NOL4: variants seen among roughly 807,000 people sequenced by gnomAD.
NOL4 encodes nucleolar protein 4.
A neutral mutation model predicts 75.9 loss-of-function variants in NOL4; 17 were observed. The ratio of observed to expected loss-of-function variants is 0.22; its 90% CI spans 0.15 to 0.34. NOL4 has a LOEUF of 0.34. NOL4 is among the 10% of genes least tolerant of loss of function. The pLI is 1.00. For missense variants in NOL4, 614 were observed against 793.5 expected (o/e 0.77, Z 2.72); for synonymous variants, 292 against 289.9 (o/e 1.01, Z -0.07).
At chr18:34,176,335 A>G (rs2033545145) in intron 1 of NOL4, among the ~76,000 whole-genome samples, 1 of 152,118 alleles carries the variant, frequency 6.6e-6, no homozygotes, top group South Asian at 2.1e-4. Context: ...GAGGCCTGCA[A>G]GATATCATCA....
At chr18:34,142,415 A>C (rs2081209625) in intron 1 of NOL4, among the ~76,000 whole-genome samples, 1 of 152,214 alleles carries the variant, frequency 6.6e-6, no homozygotes, top group African/African-American at 2.4e-5. Context: ...ACAATAGCAA[A>C]GAATTGGAAC....
chr18:34,154,135 A>G (rs775430416), intron 1 of NOL4, among the ~76,000 whole-genome samples: 25 of 152,202 alleles, frequency 1.6e-4, no homozygotes, highest in Non-Finnish European at 3.2e-4. Flanking sequence ...AACGTAAGAC[A>G]CATGCAAAGA....
intron 5 of NOL4, among the ~76,000 whole-genome samples, chr18:34,062,308 A>G (rs1383582311): frequency 1.3e-5 from 2 of 152,122 alleles, no homozygotes; most frequent in African/African-American, 4.8e-5. Context: ...GGGGCTGTAA[A>G]AATTTGGTAG....
intron 9 of NOL4, among the ~76,000 whole-genome samples, chr18:33,896,269 A>T (rs1047288731): frequency 6.6e-6 from 1 of 152,120 alleles, no homozygotes; most frequent in Non-Finnish European, 1.5e-5. Flanking sequence ...TCTAATTACC[A>T]ATGACATTCT....
At chr18:34,094,085 TCTCC>T (rs1234896328) in intron 4 of NOL4, among the ~76,000 whole-genome samples, 3 of 151,924 alleles carry the variant, frequency 2.0e-5, no homozygotes, top group Admixed American at 1.3e-4. Context: ...TGGAATAATT[TCTCC>T]CTTCAAGGAA....
chr18:33,933,087 CA>C (rs2067810882), intron 9 of NOL4, among the ~76,000 whole-genome samples: 1 of 152,060 alleles, frequency 6.6e-6, no homozygotes, highest in African/African-American at 2.4e-5. Flanking sequence ...TAGACCACTG[CA>C]ATAAAACAAA....
At chr18:34,150,906 AAAAC>A (rs1470681525) in intron 1 of NOL4, among the ~76,000 whole-genome samples, 1 of 151,762 alleles carries the variant, frequency 6.6e-6, no homozygotes, top group Non-Finnish European at 1.5e-5. Flanking sequence ...CAACAATAGG[AAAAC>A]AAACAAACTG....
At position 33,901,867 on chromosome 18, in the gene NOL4, T is replaced by C. The variant is rs181593239; in HGVS notation, c.1543-18443A>G. ...TGATATGGAGATTATTTAAAAGTTG[T>C]TTCTGAAATAAGGTAGAAAGGAACC... On this transcript the variant is annotated intron_variant, in intron 9 of 10. Coordinates refer to ENST00000261592, the MANE Select transcript of NOL4 (RefSeq NM_003787.5). 5.3e-5 allele frequency among the ~76,000 whole-genome samples: 8 copies of C among 152,194 alleles called. No individual in the cohort carries two copies. The East Asian group carries it at 1.5e-3, about 29-fold the overall frequency.
At chr18:34,159,903 G>A (rs941243333) in intron 1 of NOL4, among the ~76,000 whole-genome samples, 12 of 152,022 alleles carry the variant, frequency 7.9e-5, no homozygotes, top group Non-Finnish European at 1.5e-4. Context: ...AGAGGGATGC[G>A]GGGAGGGGAG....
intron 6 of NOL4, among the ~76,000 whole-genome samples, chr18:33,980,040 T>C (rs2071823413): frequency 6.6e-6 from 1 of 152,092 alleles, no homozygotes; most frequent in Non-Finnish European, 1.5e-5. Flanking sequence ...GCTTAGTTGT[T>C]GCCACTCCAT....
intron 1 of NOL4, among the ~76,000 whole-genome samples, chr18:34,143,918 T>C (rs546884717): frequency 2.7e-5 from 4 of 146,140 alleles, no homozygotes; most frequent in African/African-American, 7.6e-5. Context: ...ACTAAGACAA[T>C]GGACAAAATC....
chr18:34,003,146 C>T (rs2073833124), intron 6 of NOL4, among the ~76,000 whole-genome samples: 1 of 152,062 alleles, frequency 6.6e-6, no homozygotes, highest in Non-Finnish European at 1.5e-5. Flanking sequence ...TTTCTGTGAA[C>T]TTCTTAAGAA....
intron 1 of NOL4, among the ~76,000 whole-genome samples, chr18:34,181,577 C>G (rs1173002554): frequency 6.6e-6 from 1 of 151,488 alleles, no homozygotes; most frequent in Admixed American, 6.6e-5. Flanking sequence ...AGTTAGACTT[C>G]ATCAAAATTA....
intron 1 of NOL4, among the ~76,000 whole-genome samples, chr18:34,211,069 G>A (rs1212021978): frequency 1.3e-5 from 2 of 150,808 alleles, no homozygotes; most frequent in East Asian, 3.9e-4. Flanking sequence ...GACAGAGTAA[G>A]ACTCTCAAAT....
intron 9 of NOL4, among the ~76,000 whole-genome samples, chr18:33,909,002 G>A (rs971499095): frequency 4.0e-5 from 6 of 151,686 alleles, no homozygotes; most frequent in African/African-American, 1.5e-4. Flanking sequence ...TATCACTGTT[G>A]GCATATTTCT....
At chr18:34,078,770 CATAGGTAT>C (rs891491692) in intron 5 of NOL4, among the ~76,000 whole-genome samples, 1 of 152,104 alleles carries the variant, frequency 6.6e-6, no homozygotes, top group Non-Finnish European at 1.5e-5. Flanking sequence ...TATAAAAGAA[CATAGGTAT>C]ATAATAAACA....
chr18:34,131,073 G>GACACACACACAC (rs35968611), intron 1 of NOL4, among the ~76,000 whole-genome samples: 12 of 145,324 alleles, frequency 8.3e-5, no homozygotes, highest in African/African-American at 3.0e-4. Flanking sequence ...CACATACACC[G>GACACACACACAC]ACACACACAC....
intron 4 of NOL4, among the ~76,000 whole-genome samples, chr18:34,098,990 A>T (rs1266793548): frequency 6.6e-6 from 1 of 152,178 alleles, no homozygotes; most frequent in African/African-American, 2.4e-5. Context: ...TGATGTGTAC[A>T]TAAAAAGAGT....
intron 1 of NOL4, among the ~76,000 whole-genome samples, chr18:34,209,194 C>CAAA (rs777403436): frequency 5.3e-5 from 3 of 56,436 alleles, no homozygotes; most frequent in Admixed American, 1.9e-4. Flanking sequence ...ACTCTGTCTC[C>CAAA]AAAAAAAAAA....
Sources: allele counts gnomAD v4.1 joint callset (sites outside exome capture counted in the v4.1 genomes callset), GRCh38; gene constraint gnomAD v4.1.1; transcripts MANE v1.5; gene names NCBI Gene and HGNC (gene_info 2026-07-23, HGNC 2026-07-21).